The following CASKIN1 variants were observed in gnomAD, a reference collection of about 807,000 sequenced individuals.
CASKIN1 encodes CASK interacting protein 1.
CASKIN1 carries 42 observed loss-of-function variants against 117.5 expected under a neutral mutation model. The ratio of observed to expected loss-of-function variants is 0.36; its 90% CI spans 0.28 to 0.46. The LOEUF (loss-of-function observed/expected upper bound fraction) is 0.46, where lower values mean the gene tolerates loss of function less well. CASKIN1 is among the 20% of genes least tolerant of loss of function. The pLI, the probability that CASKIN1 is intolerant of heterozygous loss-of-function variation, is 1.00. For missense variants in CASKIN1, 2,083 were observed against 2,077.3 expected, an observed-to-expected ratio of 1.00 and a Z score of -0.05; for synonymous variants, 1,148 against 961.7, an observed-to-expected ratio of 1.19 and a Z score of -3.59.
Position 2,181,214 on chromosome 16 carries a change from G to A in CASKIN1, c.2154C>T (p.Ser718=), listed in dbSNP as rs1452947194. 1 of 1,585,516 alleles carries A rather than the reference G, an allele frequency of 6.3e-7. No individual in the cohort carries two copies. Among genetic ancestry groups the A allele is most frequent in the South Asian group, 1.1e-5 (1 of 89,432 alleles). The change falls in exon 18 of 20, where the codon AGC becomes AGT. Residue 718 remains serine, a synonymous_variant. Coordinates refer to ENST00000343516, the MANE Select transcript of CASKIN1 (RefSeq NM_020764.4). ...ELLGDGPPGP[S]SPMSRSQEYL... ...ACTCCTGGCTTCGAGACATGGGGCT[G>A]CTGGGCCCAGGGGGCCCATCTCCCA... is the stretch of plus-strand genomic sequence containing the variant.
Position 2,180,008 on chromosome 16 carries a change from G to A in CASKIN1, c.3360C>T (p.Ala1120=). 1 of 1,601,192 alleles carries A rather than the reference G, an allele frequency of 6.2e-7. No homozygotes were observed. Among genetic ancestry groups the A allele is most frequent in the South Asian group, 1.1e-5 (1 of 89,506 alleles). The change falls in exon 18 of 20, where the codon GCC becomes GCT. Residue 1120 remains alanine, a synonymous_variant. Coordinates refer to ENST00000343516, the MANE Select transcript of CASKIN1 (RefSeq NM_020764.4). ...VEGPPLAKVE[A]SATLKRRIRA... ...GGATGCGCCTCTTGAGTGTGGCGCT[G>A]GCTTCCACCTTGGCCAAGGGCGGGC...
rs901159041 is a variant in CASKIN1 at position 2,180,990 on chromosome 16, C to G, written c.2378G>C (p.Gly793Ala). ...CGTAGCTGGGGCTGGACCATGAGGTCCCCCAAGGGCCTGGGGAGAGCCTGG... is the reference window on the plus strand; with the variant it reads ...CGTAGCTGGGGCTGGACCATGAGGTGCCCCAAGGGCCTGGGGAGAGCCTGG... ...TRPGSPQALG[G>A]PHGPAPATAK... The change falls in exon 18 of 20, where the codon GGA (glycine) becomes GCA (alanine). Residue 793 changes from glycine to alanine, a missense_variant. This residue lies in a region of CASKIN1 where 1,818 missense variants were observed against 1,688.9 expected (regional missense o/e 1.08). Coordinates refer to ENST00000343516, the MANE Select transcript of CASKIN1 (RefSeq NM_020764.4). 6.8e-7 allele frequency: 1 copy of G among 1,473,834 alleles called. No individual in the cohort carries two copies. 91.3% of individuals were successfully genotyped at this position (1,473,834 alleles called of 1,614,324 possible).
Position 2,180,146 on chromosome 16 carries a change from C to A in CASKIN1, c.3222G>T (p.Leu1074=). Residue 1074 remains leucine (L), a synonymous_variant, in exon 18 of 20, where the codon CTG becomes CTT. Transcript: ENST00000343516. ...RTLSGPVTGL[L]ATARRGPGES... ...CCCCAGGCCCCCGGCGGGCAGTGGC[C>A]AGAAGTCCGGTGACTGGCCCGCTGA... 6.4e-7 allele frequency: 1 copy of A among 1,555,572 alleles called. No homozygotes were observed. The highest frequency in any genetic ancestry group is 8.7e-7 in the Non-Finnish European group (1 of 1,150,680).
rs372545443 is a variant in CASKIN1 at position 2,185,185 on chromosome 16, C to T, written c.1165G>A (p.Gly389Ser). 17 of 1,610,700 alleles carry T rather than the reference C, an allele frequency of 1.1e-5. No homozygotes were observed. In the East Asian group the frequency reaches 1.8e-4, roughly 17 times the overall value. The change falls in exon 12 of 20, where the codon GGC becomes AGC. Residue 389 changes from glycine to serine, a missense_variant. Physicochemically the swap from Gly to Ser is moderately conservative, Grantham distance 56. Coordinates refer to ENST00000343516, the MANE Select transcript of CASKIN1 (RefSeq NM_020764.4). ...RKPFAGGDRSGSISGMAGGRG... is the reference protein window; with the variant it reads ...RKPFAGGDRSSSISGMAGGRG... ...CCGCCAGCCATGCCGCTAATGCTGC[C>T]GCTTCGGTCCCCACCTGCCAGCACA...
Position 2,179,036 on chromosome 16 carries a change from C to CGCGGCG in CASKIN1, c.4059_4064dup (p.Ala1354_Ala1355dup), listed in dbSNP as rs553373927. 762 of 1,116,474 alleles carry CGCGGCG rather than the reference C, an allele frequency of 6.8e-4. No homozygotes were observed. Among genetic ancestry groups the CGCGGCG allele is most frequent in the East Asian group, 4.6e-3 (98 of 21,410 alleles). 69.2% of individuals were successfully genotyped at this position (1,116,474 alleles called of 1,614,324 possible). On this transcript the variant is annotated inframe_insertion, in exon 19 of 20. Transcript: ENST00000343516. The surrounding 1 kb of genome is among the most constrained non-coding windows in gnomAD (Gnocchi z 5.8). ...AGGCGCCTTCGGGCGGGGCGGGGGG[C>CGCGGCG]GCGGCGGCGGCGGCGGCGGCGGCGG...
chr16:2,189,763 G>A (rs1379208536), intron 3 of CASKIN1, among the ~76,000 whole-genome samples, 199 bp from the exon 4 acceptor site: 1 of 150,146 alleles, frequency 6.7e-6, no homozygotes, highest in African/African-American at 2.5e-5. Context: ...CTGACCCCAA[G>A]CCCAACCCTG....
Position 2,181,615 on chromosome 16 carries a change from G to C in CASKIN1, c.1769-16C>G, listed in dbSNP as rs2093168394. 1 of 1,546,024 alleles carries C rather than the reference G, an allele frequency of 6.5e-7. No individual in the cohort carries two copies. The highest frequency in any genetic ancestry group is 1.4e-5 in the African/African-American group (1 of 73,282). ...TTCTGGTGCCCTGAGTGGGGCGCAGGGGGCAGGTCAGGTGGACCAGGAGGC... is the reference window on the plus strand; with the variant it reads ...TTCTGGTGCCCTGAGTGGGGCGCAGCGGGCAGGTCAGGTGGACCAGGAGGC... On this transcript the variant is annotated splice_polypyrimidine_tract_variant and intron_variant, in intron 17 of 19. Coordinates refer to ENST00000343516, the MANE Select transcript of CASKIN1 (RefSeq NM_020764.4).
Position 2,180,277 on chromosome 16 carries a change from G to A in CASKIN1, c.3091C>T (p.Arg1031Cys), listed in dbSNP as rs575231658. Residue 1031 changes from arginine to cysteine, a missense_variant, in exon 18 of 20, where the codon CGC (arginine) becomes TGC (cysteine). Arg to Cys is a radical substitution (Grantham distance 180). Around this residue, in one of 3 missense-constraint regions of CASKIN1, gnomAD observed 1,818 missense variants for 1,688.9 expected, o/e 1.08. Coordinates refer to ENST00000343516, the MANE Select transcript of CASKIN1 (RefSeq NM_020764.4). ...RRPPEGHPTP[R>C]PASPEPGRVA... ...CGGCCCGGCTCTGGGCTGGCAGGGC[G>A]GGGAGTGGGGTGGCCCTCAGGAGGC... is the stretch of plus-strand genomic sequence containing the variant. 36 of 1,566,924 alleles carry A rather than the reference G, an allele frequency of 2.3e-5. No homozygotes were observed. Among genetic ancestry groups the A allele is most frequent in the Middle Eastern group, 4.0e-4 (2 of 5,050 alleles).
At chr16:2,189,203 C>A (rs1377025144) in intron 5 of CASKIN1, 35 bp downstream of exon 5, 1 of 1,612,670 alleles carries the variant, frequency 6.2e-7, no homozygotes, top group South Asian at 1.1e-5. Flanking sequence ...TGGGGCTCCC[C>A]AGCCCCACCC....
chr16:2,181,819 G>A lies in CASKIN1; in HGVS notation c.1740C>T (p.Asp580=), dbSNP rs1670160916. The change falls in exon 17 of 20, where the codon GAC becomes GAT. Residue 580 remains aspartate (D), a synonymous_variant. Transcript: ENST00000343516. ...GCTTGGTGATGCCGATCTCCTGCAG[G>A]TCCTCCCAGGTGATGTCGGTGATGA... The part of the protein sequence containing the change: ...IDFITDITWE[D]LQEIGITKLG... The A allele has an allele frequency of 6.2e-7, 1 of 1,613,540 alleles. No homozygotes were observed. The highest frequency in any genetic ancestry group is 8.5e-7 in the Non-Finnish European group (1 of 1,179,998).
intron 3 of CASKIN1, 53 bp from the exon 4 acceptor site, chr16:2,189,617 G>A: frequency 6.5e-7 from 1 of 1,533,092 alleles, no homozygotes; most frequent in Non-Finnish European, 8.7e-7. Flanking sequence ...ACCCAACCCT[G>A]GAGGATAGGG....
intron 1 of CASKIN1, among the ~76,000 whole-genome samples, chr16:2,191,723 T>C (rs2093202181): frequency 6.6e-6 from 1 of 152,258 alleles, no homozygotes; most frequent in Non-Finnish European, 1.5e-5. Context: ...TTAGTGGCAA[T>C]GCCATCCTTC....
chr16:2,184,177 G>C (rs145429690), intron 14 of CASKIN1, among the ~76,000 whole-genome samples: 6 of 151,706 alleles, frequency 4.0e-5, no homozygotes, highest in Non-Finnish European at 3.0e-5. Flanking sequence ...CTCCACCGGT[G>C]GGGGGAGGGG....
Position 2,181,217 on chromosome 16 carries a change from G to A in CASKIN1, c.2151C>T (p.Pro717=), listed in dbSNP as rs755404293. ...QELLGDGPPG[P]SSPMSRSQEY... The stretch of plus-strand genomic sequence containing the variant: ...CCTGGCTTCGAGACATGGGGCTGCT[G>A]GGCCCAGGGGGCCCATCTCCCAGCA... Residue 717 remains proline (P), a synonymous_variant, in exon 18 of 20, where the codon CCC becomes CCT. Coordinates refer to ENST00000343516, the MANE Select transcript of CASKIN1 (RefSeq NM_020764.4). 6.3e-7 allele frequency: 1 copy of A among 1,587,214 alleles called. No homozygotes were observed. The highest frequency in any genetic ancestry group is 8.5e-7 in the Non-Finnish European group (1 of 1,174,810).
chr16:2,181,477 T>C lies in CASKIN1; in HGVS notation c.1891A>G (p.Ile631Val), dbSNP rs1256397756. 4 of 1,611,630 alleles carry C rather than the reference T, an allele frequency of 2.5e-6. No individual in the cohort carries two copies. The highest frequency in any genetic ancestry group is 2.5e-6 in the Non-Finnish European group (3 of 1,179,728). The change falls in exon 18 of 20, where the codon ATC becomes GTC. Residue 631 changes from isoleucine to valine, a missense_variant. Around this residue, in one of 3 missense-constraint regions of CASKIN1, gnomAD observed 1,818 missense variants for 1,688.9 expected, o/e 1.08. Transcript: ENST00000343516. The part of the protein sequence containing the change: ...KAPQSLEVMA[I>V]ESPPPPEPTP... ...GGCTCAGGCGGGGGCGGCGACTCGA[T>C]GGCCATCACTTCAAGAGACTGGGGC... is the stretch of plus-strand genomic sequence containing the variant.
chr16:2,180,687 T>A lies in CASKIN1; in HGVS notation c.2681A>T (p.Glu894Val). The change falls in exon 18 of 20, where the codon GAG (glutamate) becomes GTG (valine). Residue 894 changes from glutamate to valine, a missense_variant. Transcript: ENST00000343516. The part of the protein sequence containing the change: ...NRYAASDSEP[E>V]RDELLVPAAA... Reference sequence around the variant, plus strand: ...CGCAGGCACCAGCAGCTCGTCCCGCTCCGGCTCGCTGTCGGACGCCGCATA... The same window carrying A: ...CGCAGGCACCAGCAGCTCGTCCCGCACCGGCTCGCTGTCGGACGCCGCATA... 2 of 1,503,690 alleles carry A rather than the reference T, an allele frequency of 1.3e-6. No homozygotes were observed. Among genetic ancestry groups the A allele is most frequent in the South Asian group, 2.5e-5 (2 of 79,982 alleles). 93.1% of individuals were successfully genotyped at this position (1,503,690 alleles called of 1,614,324 possible).
chr16:2,184,255 C>T (rs1472999491), intron 14 of CASKIN1, among the ~76,000 whole-genome samples: 1 of 152,082 alleles, frequency 6.6e-6, no homozygotes, highest in Non-Finnish European at 1.5e-5. Context: ...CCAGGGACGC[C>T]CCACGCCATC....
At position 2,182,018 on chromosome 16, in the gene CASKIN1, G is replaced by A. The variant is rs2093169787; in HGVS notation, c.1630-89C>T. The stretch of plus-strand genomic sequence containing the variant: ...GAGCTGGAGGAGGAAGGGTCACCGG[G>A]CCAGCAGGGCACAGACAGACAGGAG... On this transcript the variant is annotated intron_variant, in intron 16 of 19. Coordinates refer to ENST00000343516, the MANE Select transcript of CASKIN1 (RefSeq NM_020764.4). This position sits in a 1 kb window ranked among gnomAD's most constrained non-coding sequence, Gnocchi z 4.1. The A allele has an allele frequency of 7.0e-6, 11 of 1,569,342 alleles. No homozygotes were observed. Among genetic ancestry groups the A allele is most frequent in the Admixed American group, 1.7e-5 (1 of 58,888 alleles).
rs779214037 is a variant in CASKIN1, at chr16:2,185,055, G to A, written c.1240-20C>T. The A allele has an allele frequency of 1.2e-6, 2 of 1,606,656 alleles. No individual in the cohort carries two copies. Among genetic ancestry groups the A allele is most frequent in the South Asian group, 2.2e-5 (2 of 90,838 alleles). ...CAGGAGCTGCAACCCAGAAACCCCG[G>A]CTTGTCACCTGCTCCCAGCCCTGGC... On this transcript the variant is annotated intron_variant, in intron 12 of 19. Coordinates refer to ENST00000343516, the MANE Select transcript of CASKIN1 (RefSeq NM_020764.4).
Sources: allele counts gnomAD v4.1 joint callset (sites outside exome capture counted in the v4.1 genomes callset), GRCh38; gene constraint gnomAD v4.1.1; regional missense constraint gnomAD v4.1.1; non-coding constraint Gnocchi (gnomAD v3.1); transcripts MANE v1.5; gene names NCBI Gene and HGNC (gene_info 2026-07-23, HGNC 2026-07-21).